The following SRGAP3 variants were observed in gnomAD, a reference collection of about 807,000 sequenced individuals.
The protein encoded by SRGAP3 is SLIT-ROBO Rho GTPase-activating protein 3.
Under a neutral mutation model 121.1 loss-of-function variants are expected in SRGAP3, and 39 were observed. That is an observed-to-expected ratio of 0.32 (90% confidence interval 0.25 to 0.42). SRGAP3 has a LOEUF of 0.42. Among genes scored for constraint, SRGAP3 ranks in the 10% least tolerant of loss-of-function variants. The pLI is 1.00. For synonymous variants in SRGAP3, 601 were observed against 570.0 expected (o/e 1.05, Z -0.77); for missense variants, 1,213 against 1,470.6 (o/e 0.82, Z 2.86).
At chr3:9,080,767 C>A (rs1947207497) in intron 3 of SRGAP3, among the ~76,000 whole-genome samples, 1 of 152,098 alleles carries the variant, frequency 6.6e-6, no homozygotes, top group South Asian at 2.1e-4. Context: ...TGTGGGGGAT[C>A]TAGGTTGCAC....
At position 8,982,916 on chromosome 3, in the gene SRGAP3, T is replaced by C; in HGVS notation, c.*2603A>G. 4.4e-6 allele frequency: 1 copy of C among 229,088 alleles called. No homozygotes were observed. Among genetic ancestry groups the C allele is most frequent in the African/African-American group, 2.2e-5 (1 of 45,148 alleles). The allele number at this position is 229,088 out of a possible 1,614,324, so 14.2% of individuals were successfully genotyped here. On this transcript the variant is annotated 3_prime_UTR_variant, in exon 22 of 22. Coordinates refer to ENST00000383836, the MANE Select transcript of SRGAP3 (RefSeq NM_014850.4). The stretch of plus-strand genomic sequence containing the variant: ...GAAAATTCAGTGAAAGGCAGGTCCA[T>C]TTTCAGTAAGAAAAAAACAAAATCA...
intron 1 of SRGAP3, among the ~76,000 whole-genome samples, chr3:9,133,047 T>A (rs1463685237): frequency 2.0e-5 from 3 of 148,696 alleles, no homozygotes; most frequent in Non-Finnish European, 4.5e-5. Flanking sequence ...TATGATATAT[T>A]ATATAGATCT....
intron 1 of SRGAP3, among the ~76,000 whole-genome samples, chr3:9,177,085 G>C (rs984032717): frequency 6.6e-6 from 1 of 152,136 alleles, no homozygotes; most frequent in Non-Finnish European, 1.5e-5. Context: ...ACTGGCTCTA[G>C]GGAAGTGTAT....
At chr3:9,039,948 A>C (rs1314427773) in intron 10 of SRGAP3, among the ~76,000 whole-genome samples, 1 of 152,176 alleles carries the variant, frequency 6.6e-6, no homozygotes, top group East Asian at 1.9e-4. Flanking sequence ...CTATGCCCCA[A>C]ACCTACTTTC....
intron 5 of SRGAP3, among the ~76,000 whole-genome samples, chr3:9,063,377 C>T (rs1316144310): frequency 2.0e-5 from 3 of 152,102 alleles, no homozygotes; most frequent in Non-Finnish European, 2.9e-5. Flanking sequence ...TATCTGACCA[C>T]CTTGGCCTCC....
At position 9,104,725 on chromosome 3, in the gene SRGAP3, G is replaced by A; in HGVS notation, c.378C>T (p.Val126=). 6.2e-7 allele frequency: 1 copy of A among 1,614,248 alleles called. No homozygotes were observed. Among genetic ancestry groups the A allele is most frequent in the Non-Finnish European group, 8.5e-7 (1 of 1,180,052 alleles). ...CATCCTCACTGATCTGGGAGAGGCG[G>A]ACGATGACATTGTTCATGAAGATGT... is the stretch of plus-strand genomic sequence containing the variant. ...LNDIFMNNVI[V]RLSQISEDVI... The change falls in exon 3 of 22, where the codon GTC becomes GTT. Residue 126 remains valine (V), a synonymous_variant. Transcript: ENST00000383836.
intron 3 of SRGAP3, among the ~76,000 whole-genome samples, chr3:9,277,321 C>T (rs1468220798): frequency 2.0e-5 from 3 of 151,914 alleles, no homozygotes; most frequent in Admixed American, 1.3e-4. Context: ...TATACCAGGC[C>T]GGGCATGGTG....
intron 1 of SRGAP3, among the ~76,000 whole-genome samples, chr3:9,223,955 A>G (rs1237773858): frequency 6.6e-6 from 1 of 152,222 alleles, no homozygotes; most frequent in Non-Finnish European, 1.5e-5. Flanking sequence ...ATTAGCTCCC[A>G]GCACTACACA....
intron 1 of SRGAP3, among the ~76,000 whole-genome samples, chr3:9,205,372 C>A (rs1352872110): frequency 6.6e-6 from 1 of 152,218 alleles, no homozygotes; most frequent in African/African-American, 2.4e-5. Context: ...TTTGCCCTTG[C>A]AGCACGTCTC....
intron 2 of SRGAP3, among the ~76,000 whole-genome samples, chr3:9,117,421 T>A (rs753077551): frequency 1.3e-5 from 2 of 152,248 alleles, no homozygotes; most frequent in African/African-American, 2.4e-5. Flanking sequence ...CCAACTGCTC[T>A]GTGAAGCTGA....
intron 4 of SRGAP3, among the ~76,000 whole-genome samples, chr3:9,079,627 GGTC>G (rs1204106010): frequency 1.3e-5 from 2 of 152,146 alleles, no homozygotes; most frequent in African/African-American, 4.8e-5. Flanking sequence ...ACCTGCCTAT[GGTC>G]CTACAGTTGG....
Position 9,095,703 on chromosome 3 carries a change from G to C in SRGAP3, c.423+8977C>G, listed in dbSNP as rs12630042. On this transcript the variant is annotated intron_variant, in intron 3 of 21. Coordinates refer to ENST00000383836, the MANE Select transcript of SRGAP3 (RefSeq NM_014850.4). ...GATCAGTTTGTCTAGCCCTGCTCTA[G>C]TAATGTCTGACTATCACTCCAGAGG... Among the ~76,000 whole-genome samples, 155 of 152,256 alleles carry C rather than the reference G, an allele frequency of 1.0e-3. 1 individual carries two copies. Among genetic ancestry groups the C allele is most frequent in the East Asian group, 9.1e-3 (47 of 5,180 alleles).
chr3:9,299,597 A>C (rs557610339), intron 3 of SRGAP3, among the ~76,000 whole-genome samples: 1 of 152,062 alleles, frequency 6.6e-6, no homozygotes, highest in African/African-American at 2.4e-5. Flanking sequence ...AACACTGATC[A>C]TGTTGCTGCT....
At chr3:9,041,935 T>C (rs1384026497) in intron 10 of SRGAP3, among the ~76,000 whole-genome samples, 2 of 152,080 alleles carry the variant, frequency 1.3e-5, no homozygotes, top group African/African-American at 4.8e-5. Context: ...ACCCCATCTC[T>C]ACTAAAAACA....
chr3:9,260,320 G>A (rs939578527), intron 3 of SRGAP3, among the ~76,000 whole-genome samples: 1 of 152,146 alleles, frequency 6.6e-6, no homozygotes, highest in African/African-American at 2.4e-5. Context: ...CCCATGGAAA[G>A]GGGGCTGAAG....
At chr3:9,278,048 G>C (rs1163807111) in intron 3 of SRGAP3, among the ~76,000 whole-genome samples, 1 of 152,180 alleles carries the variant, frequency 6.6e-6, no homozygotes, top group African/African-American at 2.4e-5. Flanking sequence ...GAATCTGCAG[G>C]CATCTTGGTC....
At chr3:9,064,667 T>G in intron 4 of SRGAP3, 86 bp from the exon 5 acceptor site, 2 of 1,527,512 alleles carry the variant, frequency 1.3e-6, no homozygotes, top group Non-Finnish European at 1.8e-6. Context: ...TACCAAGTTC[T>G]ACACTCTAGC....
chr3:9,225,469 G>C (rs993303756), intron 1 of SRGAP3, among the ~76,000 whole-genome samples: 2 of 152,182 alleles, frequency 1.3e-5, no homozygotes, highest in African/African-American at 2.4e-5. Flanking sequence ...GAAAACCACT[G>C]GGGGCCTTGG....
chr3:9,062,741 T>C (rs1341839144), intron 5 of SRGAP3, among the ~76,000 whole-genome samples: 1 of 152,234 alleles, frequency 6.6e-6, no homozygotes, highest in Non-Finnish European at 1.5e-5. Flanking sequence ...TTCCATCACA[T>C]GGATATACCA....
Sources: gnomAD v4.1 joint callset for allele counts (sites outside exome capture counted in the v4.1 genomes callset) on GRCh38, gnomAD v4.1.1 for gene constraint, MANE v1.5 for transcripts, NCBI Gene and HGNC (gene_info 2026-07-23, HGNC 2026-07-21) for gene names.